The following PARD3 variants were observed in gnomAD, a reference collection of about 807,000 sequenced individuals.
The protein encoded by PARD3 is par-3 family cell polarity regulator.
A neutral mutation model predicts 155.4 loss-of-function variants in PARD3; 75 were observed. That is an observed-to-expected ratio of 0.48 (90% CI 0.40 to 0.58). The LOEUF is 0.58. Ranked by LOEUF, PARD3 falls within the 20% of genes least tolerant of loss-of-function variation. The probability of loss-of-function intolerance (pLI) is 0.00; values close to 1 mark genes in which losing one functional copy is unlikely to be tolerated. For missense variants in PARD3, 1,642 were observed against 1,721.7 expected (o/e 0.95, Z 0.82); for synonymous variants, 576 against 610.5 (o/e 0.94, Z 0.83).
At chr10:34,377,546 T>C (rs1464709630) in intron 10 of PARD3, among the ~76,000 whole-genome samples, 2 of 152,042 alleles carry the variant, frequency 1.3e-5, no homozygotes, top group Non-Finnish European at 2.9e-5. Context: ...GCTGAGATTG[T>C]GCCACTGCAC....
chr10:34,365,648 G>C (rs1839896088), intron 12 of PARD3, among the ~76,000 whole-genome samples: 1 of 152,154 alleles, frequency 6.6e-6, no homozygotes, highest in African/African-American at 2.4e-5. Flanking sequence ...AAGTGCAGTG[G>C]TATGATCTCA....
intron 1 of PARD3, among the ~76,000 whole-genome samples, chr10:34,742,729 A>T (rs1375695848): frequency 6.6e-6 from 1 of 152,222 alleles, no homozygotes; most frequent in Non-Finnish European, 1.5e-5. Context: ...TCAAAAAGAG[A>T]TTGCATTCCT....
At chr10:34,703,391 A>G (rs1160873349) in intron 1 of PARD3, among the ~76,000 whole-genome samples, 1 of 152,082 alleles carries the variant, frequency 6.6e-6, no homozygotes, top group African/African-American at 2.4e-5. Context: ...TCCAAAAAAA[A>G]CTAAACAAAA....
chr10:34,352,081 C>A (rs1442905247), intron 14 of PARD3, among the ~76,000 whole-genome samples: 1 of 152,148 alleles, frequency 6.6e-6, no homozygotes, highest in Non-Finnish European at 1.5e-5. Context: ...TCTCTACTGG[C>A]ACTAAGAAAA....
Position 34,269,687 on chromosome 10 carries a change from G to A in PARD3, c.3389C>T (p.Pro1130Leu), listed in dbSNP as rs769877146. Residue 1130 changes from proline to leucine, a missense_variant, in exon 22 of 25, where the codon CCG (proline) becomes CTG (leucine). This residue lies in a region of PARD3 where 1,529 missense variants were observed against 1,587.3 expected (regional missense o/e 0.96). Coordinates refer to ENST00000374788, the MANE Select transcript of PARD3 (RefSeq NM_001184785.2). Reference sequence around the variant, plus strand: ...TACAGGTGAGGGTTTGGAATTCCGCGGCTTCTTGACTTGGGCATACAAAGC... The same window carrying A: ...TACAGGTGAGGGTTTGGAATTCCGCAGCTTCTTGACTTGGGCATACAAAGC... ...MDALYAQVKK[P>L]RNSKPSPVDS... 46 of 1,613,820 alleles carry A rather than the reference G, an allele frequency of 2.9e-5. No homozygotes were observed. The South Asian group carries it at 3.2e-4, about 11-fold the overall frequency.
intron 19 of PARD3, among the ~76,000 whole-genome samples, chr10:34,322,629 G>T (rs769902544): frequency 3.3e-5 from 5 of 152,034 alleles, no homozygotes; most frequent in African/African-American, 4.8e-5. Flanking sequence ...AGATTAAAAT[G>T]AATTGTTCAA....
At chr10:34,758,562 T>A (rs1280140656) in intron 1 of PARD3, among the ~76,000 whole-genome samples, 1 of 152,212 alleles carries the variant, frequency 6.6e-6, no homozygotes, top group Non-Finnish European at 1.5e-5. Context: ...TCTTATCACG[T>A]CACACTGTCT....
At chr10:34,339,105 C>A (rs1836515624) in intron 16 of PARD3, among the ~76,000 whole-genome samples, 1 of 152,176 alleles carries the variant, frequency 6.6e-6, no homozygotes, top group Non-Finnish European at 1.5e-5. Context: ...AGAAATATGA[C>A]ACAATCTTGC....
chr10:34,800,721 GA>G (rs1273410925), intron 1 of PARD3, among the ~76,000 whole-genome samples: 1 of 151,960 alleles, frequency 6.6e-6, no homozygotes, highest in Non-Finnish European at 1.5e-5. Context: ...AGTTAGGAAT[GA>G]AAAAAAAGTG....
At chr10:34,754,210 T>A (rs1420793828) in intron 1 of PARD3, among the ~76,000 whole-genome samples, 1 of 152,176 alleles carries the variant, frequency 6.6e-6, no homozygotes, top group Non-Finnish European at 1.5e-5. Flanking sequence ...CTTGCTATGT[T>A]ATCCAGGCTG....
intron 7 of PARD3, among the ~76,000 whole-genome samples, chr10:34,385,747 T>C (rs1589389405): frequency 6.6e-6 from 1 of 152,222 alleles, no homozygotes; most frequent in Admixed American, 6.5e-5. Context: ...CATGGGCATT[T>C]ATCATATTCT....
chr10:34,462,475 T>C (rs1034496649), intron 4 of PARD3, among the ~76,000 whole-genome samples: 1 of 151,532 alleles, frequency 6.6e-6, no homozygotes, highest in Non-Finnish European at 1.5e-5. Context: ...AGAAATAAAA[T>C]AGTGTTTTCA....
intron 24 of PARD3, among the ~76,000 whole-genome samples, chr10:34,115,594 A>G (rs150007372): frequency 9.9e-4 from 151 of 152,282 alleles, no homozygotes; most frequent in African/African-American, 3.5e-3. Flanking sequence ...GAGGTGATGG[A>G]TATGTTAGCT....
At position 34,544,996 on chromosome 10, in the gene PARD3, A is replaced by G. The variant is rs775552351; in HGVS notation, c.223-27837T>C. 2.6e-4 allele frequency among the ~76,000 whole-genome samples: 40 copies of G among 152,200 alleles called. 1 individual carries two copies. Among genetic ancestry groups the G allele is most frequent in the Middle Eastern group, 3.2e-3 (1 of 316 alleles). ...GTACCTGTATTGAGTTCGTGCACTC[A>G]ATAAATTGCCAAAGAATTTAGGAAA... On this transcript the variant is annotated intron_variant, in intron 2 of 24. Transcript: ENST00000374788.
Position 34,360,083 on chromosome 10 carries a change from T to C in PARD3, c.1884A>G (p.Gly628=). The C allele has an allele frequency of 2.5e-6, 4 of 1,612,736 alleles. No homozygotes were observed. The highest frequency in any genetic ancestry group is 3.4e-6 in the Non-Finnish European group (4 of 1,178,754). ...GIFVKSIING[G]AASKDGRLRV... The stretch of plus-strand genomic sequence containing the variant: ...AGTTGACACTCACTTTAGATGCTGC[T>C]CCTCCATTAATAATGGACTTGACAA... Residue 628 remains glycine (G), a synonymous_variant, in exon 13 of 25, where the codon GGA becomes GGG. Transcript: ENST00000374788.
chr10:34,182,390 A>T (rs144437294), intron 22 of PARD3, among the ~76,000 whole-genome samples: 139 of 152,374 alleles, frequency 9.1e-4, no homozygotes, highest in African/African-American at 2.9e-3. Flanking sequence ...GATCCACTTC[A>T]TCTGACTTAC....
intron 2 of PARD3, among the ~76,000 whole-genome samples, chr10:34,622,287 T>C (rs2091727722): frequency 6.6e-6 from 1 of 152,244 alleles, no homozygotes; most frequent in African/African-American, 2.4e-5. Flanking sequence ...ACATTTTGCA[T>C]GTATTTGATA....
chr10:34,283,377 G>C (rs1956242431), intron 21 of PARD3, among the ~76,000 whole-genome samples: 1 of 152,112 alleles, frequency 6.6e-6, no homozygotes, highest in Admixed American at 6.6e-5. Flanking sequence ...TGATGACAGA[G>C]AGAAGCTCAC....
At chr10:34,654,693 A>C (rs551889445) in intron 2 of PARD3, among the ~76,000 whole-genome samples, 2 of 152,290 alleles carry the variant, frequency 1.3e-5, no homozygotes, top group African/African-American at 4.8e-5. Context: ...GTTCACCTCT[A>C]ATGTGGAGCT....
Sources: gnomAD v4.1 joint callset for allele counts (sites outside exome capture counted in the v4.1 genomes callset) on GRCh38, gnomAD v4.1.1 for gene constraint, gnomAD v4.1.1 regional missense constraint, MANE v1.5 for transcripts, NCBI Gene and HGNC (gene_info 2026-07-23, HGNC 2026-07-21) for gene names.